GTF2IRD1: variants seen among roughly 807,000 people sequenced by gnomAD.
The protein encoded by GTF2IRD1 is GTF2I repeat domain containing 1.
A neutral mutation model predicts 113.2 loss-of-function variants in GTF2IRD1; 26 were observed. That is an observed-to-expected ratio of 0.23 (90% confidence interval 0.17 to 0.32). GTF2IRD1 has a LOEUF of 0.32. GTF2IRD1 is among the 10% of genes least tolerant of loss of function. The pLI, the probability that GTF2IRD1 is intolerant of heterozygous loss-of-function variation, is 1.00. For missense variants in GTF2IRD1, 864 were observed against 1,280.8 expected, an observed-to-expected ratio of 0.67 and a Z score of 4.97; for synonymous variants, 484 against 529.1, an observed-to-expected ratio of 0.91 and a Z score of 1.17.
chr7:74,573,678 A>G lies in GTF2IRD1; in HGVS notation c.2320+14023A>G, dbSNP rs587617563. 7.9e-5 allele frequency among the ~76,000 whole-genome samples: 12 copies of G among 152,234 alleles called. No homozygotes were observed. In the South Asian group the frequency reaches 1.2e-3, roughly 16 times the overall value. On this transcript the variant is annotated intron_variant, in intron 22 of 26. Transcript: ENST00000424337. ...GAAGTAGAGCAGGGGCAGGGTGGTA[A>G]CCATGGCTCAGCACATGTGGTTTAC...
chr7:74,501,052 AAG>A (rs1326467473), intron 1 of GTF2IRD1, among the ~76,000 whole-genome samples: 5 of 152,080 alleles, frequency 3.3e-5, no homozygotes, highest in African/African-American at 1.2e-4. Context: ...ACTTGGGGAG[AAG>A]AGGAGGGGAG....
chr7:74,514,311 C>T (rs1375645936), intron 3 of GTF2IRD1, among the ~76,000 whole-genome samples: 1 of 152,112 alleles, frequency 6.6e-6, no homozygotes, highest in Admixed American at 6.5e-5. Context: ...GCCAGCCCCC[C>T]ACCCCCCTCA....
Position 74,527,351 on chromosome 7 carries a change from G to A in GTF2IRD1, c.1091-2383G>A, listed in dbSNP as rs962692781. Among the ~76,000 whole-genome samples, 15 of 152,224 alleles carry A rather than the reference G, an allele frequency of 9.9e-5. No individual in the cohort carries two copies. The South Asian group carries it at 1.0e-3, about 11-fold the overall frequency. Reference sequence around the variant, plus strand: ...AAAAAATAAAAAAGTAAATAGCTGGGCATGGTAACACATGCCTGTAGTCCT... The same window carrying A: ...AAAAAATAAAAAAGTAAATAGCTGGACATGGTAACACATGCCTGTAGTCCT... On this transcript the variant is annotated intron_variant, in intron 8 of 26. Transcript: ENST00000424337.
At chr7:74,510,906 A>C (rs1554342771) in intron 2 of GTF2IRD1, among the ~76,000 whole-genome samples, 2 of 152,072 alleles carry the variant, frequency 1.3e-5, no homozygotes, top group Non-Finnish European at 1.5e-5. Flanking sequence ...AAAATTAGCC[A>C]GGCATGGTGA....
intron 1 of GTF2IRD1, among the ~76,000 whole-genome samples, chr7:74,494,684 C>T (rs1795555748): frequency 6.6e-6 from 1 of 151,122 alleles, no homozygotes. Context: ...CCCAGGAGTT[C>T]GAGACCAGCC....
chr7:74,561,243 G>T (rs1799942420), intron 22 of GTF2IRD1, among the ~76,000 whole-genome samples: 1 of 151,704 alleles, frequency 6.6e-6, no homozygotes. Context: ...CAGCTACTTG[G>T]GAGGCTGAGG....
chr7:74,529,989 C>T (rs1321937726), intron 9 of GTF2IRD1, 72 bp downstream of exon 9: 12 of 1,160,128 alleles, frequency 1.0e-5, no homozygotes, highest in African/African-American at 3.1e-5. Context: ...GCAGGCAGAT[C>T]GCTTGAGGCC....
At chr7:74,582,016 A>T (rs1348342581) in intron 22 of GTF2IRD1, among the ~76,000 whole-genome samples, 1 of 152,136 alleles carries the variant, frequency 6.6e-6, no homozygotes, top group Non-Finnish European at 1.5e-5. Context: ...ACTCAAAAAA[A>T]TAAATAAATA....
At chr7:74,538,047 G>A (rs1422497699) in intron 11 of GTF2IRD1, 89 bp from the exon 12 acceptor site, 73 of 1,318,360 alleles carry the variant, frequency 5.5e-5, no homozygotes, top group African/African-American at 8.7e-5. Context: ...TGGCGCCCGC[G>A]GTGGGCCCTG....
At chr7:74,498,001 G>A (rs1396244896) in intron 1 of GTF2IRD1, among the ~76,000 whole-genome samples, 1 of 152,156 alleles carries the variant, frequency 6.6e-6, no homozygotes, top group South Asian at 2.1e-4. Context: ...ACCGCGCCCC[G>A]CTTTCTTGTG....
At position 74,518,522 on chromosome 7, in the gene GTF2IRD1, C is replaced by T. The variant is rs587619473; in HGVS notation, c.605+200C>T. 2.6e-5 allele frequency among the ~76,000 whole-genome samples: 4 copies of T among 152,264 alleles called. No homozygotes were observed. The East Asian group carries it at 7.7e-4, about 29-fold the overall frequency. On this transcript the variant is annotated intron_variant, in intron 5 of 26. Transcript: ENST00000424337. The stretch of plus-strand genomic sequence containing the variant: ...CAGGATCTGAGCCAGGTCATTAAGC[C>T]TTGAAGTCTTCCCAGGGAAGTTGCA...
At chr7:74,547,063 T>G (rs1554353449) in intron 16 of GTF2IRD1, 40 bp from the exon 17 acceptor site, 1 of 1,583,904 alleles carries the variant, frequency 6.3e-7, no homozygotes. Context: ...CTCCTGGCCC[T>G]GTGGCACCGG....
chr7:74,592,539 CTT>C (rs78143254), intron 24 of GTF2IRD1, among the ~76,000 whole-genome samples: 1 of 143,040 alleles, frequency 7.0e-6, no homozygotes, highest in African/African-American at 2.5e-5. Flanking sequence ...TTCTTTCTTT[CTT>C]TTTTTTTTTT....
intron 16 of GTF2IRD1, among the ~76,000 whole-genome samples, 158 bp downstream of exon 16, chr7:74,545,967 C>G (rs587678814): frequency 4.4e-4 from 67 of 152,210 alleles, no homozygotes; most frequent in Non-Finnish European, 7.1e-4. Context: ...TGGGACCCAT[C>G]ATGAGGATGG....
At position 74,521,323 on chromosome 7, in the gene GTF2IRD1, C is replaced by T. The variant is rs199963991; in HGVS notation, c.1006+26C>T. 4.6e-5 allele frequency: 64 copies of T among 1,379,862 alleles called. No individual in the cohort carries two copies. The Middle Eastern group carries it at 2.5e-3, about 54-fold the overall frequency. The allele number at this position is 1,379,862 out of a possible 1,614,324, so 85.5% of individuals were successfully genotyped here. A position where few individuals can be genotyped will look rare whatever the true frequency, so the allele number is the denominator to read the frequency against. Reference sequence around the variant, plus strand: ...GTAGGACAGCGCCCACGAAGCACCCCGGCCTGAGTGGGAATCTGAGGTTGG... The same window carrying T: ...GTAGGACAGCGCCCACGAAGCACCCTGGCCTGAGTGGGAATCTGAGGTTGG... On this transcript the variant is annotated intron_variant, in intron 7 of 26. Transcript: ENST00000424337.
Position 74,590,782 on chromosome 7 carries a change from A to T in GTF2IRD1, c.2399-43A>T, listed in dbSNP as rs1554369261. On this transcript the variant is annotated intron_variant, in intron 23 of 26. Transcript: ENST00000424337. ...CTTTCCCTAGAGGGCTTTGCCATTG[A>T]CAGGAGACATCTTTCCTCACTGTGA... 2.9e-6 allele frequency: 4 copies of T among 1,384,382 alleles called. No homozygotes were observed. The Admixed American group carries it at 7.9e-5, about 27-fold the overall frequency. 85.8% of individuals were successfully genotyped at this position (1,384,382 alleles called of 1,614,324 possible).
chr7:74,489,798 C>T (rs1554336317), intron 1 of GTF2IRD1, among the ~76,000 whole-genome samples: 1 of 152,178 alleles, frequency 6.6e-6, no homozygotes, highest in African/African-American at 2.4e-5. Context: ...AAAGTTCCTC[C>T]CAGGGACTGG....
At chr7:74,594,733 C>G (rs1802301133) in intron 24 of GTF2IRD1, among the ~76,000 whole-genome samples, 1 of 151,944 alleles carries the variant, frequency 6.6e-6, no homozygotes, top group Admixed American at 6.6e-5. Flanking sequence ...AGGCAGATCA[C>G]CTGAGGTCAG....
At chr7:74,457,033 C>T (rs1554327580) in intron 1 of GTF2IRD1, among the ~76,000 whole-genome samples, 1 of 151,818 alleles carries the variant, frequency 6.6e-6, no homozygotes, top group African/African-American at 2.4e-5. Flanking sequence ...GCTCTGTGCC[C>T]AGGCTGGGGT....
Sources: gnomAD v4.1 joint callset for allele counts (sites outside exome capture counted in the v4.1 genomes callset) on GRCh38, gnomAD v4.1.1 for gene constraint, MANE v1.5 for transcripts, NCBI Gene and HGNC (gene_info 2026-07-23, HGNC 2026-07-21) for gene names.